Variants in CFAP99 observed in about 807,000 individuals in gnomAD.
CFAP99 encodes cilia and flagella associated protein 99.
CFAP99 carries 84 observed loss-of-function variants against 82.7 expected under a neutral mutation model. That is an observed-to-expected ratio of 1.02 (90% CI 0.85 to 1.22). The LOEUF is 1.22. Among genes scored for constraint, CFAP99 ranks in the 50% most tolerant of loss-of-function variants. The probability of loss-of-function intolerance (pLI) is 0.00; values close to 1 mark genes in which losing one functional copy is unlikely to be tolerated. For missense variants in CFAP99, 1,059 were observed against 983.5 expected, an observed-to-expected ratio of 1.08 and a Z score of -1.03; for synonymous variants, 456 against 429.5, an observed-to-expected ratio of 1.06 and a Z score of -0.76.
intron 2 of CFAP99, among the ~76,000 whole-genome samples, chr4:2,432,130 G>T (rs1245415981): frequency 6.6e-6 from 1 of 152,224 alleles, no homozygotes; most frequent in African/African-American, 2.4e-5. Context: ...AACTCATTCA[G>T]TTCCTCTCCA....
chr4:2,451,733 AGG>A (rs1734307026), intron 10 of CFAP99, among the ~76,000 whole-genome samples: 1 of 151,694 alleles, frequency 6.6e-6, no homozygotes, highest in African/African-American at 2.4e-5. Context: ...TCTGCAAGTC[AGG>A]CTGTGGGGGG....
chr4:2,430,180 C>T (rs1293984270), intron 2 of CFAP99, among the ~76,000 whole-genome samples: 3 of 142,212 alleles, frequency 2.1e-5, no homozygotes, highest in African/African-American at 5.3e-5. Context: ...CAGAAAATTA[C>T]GCAATACATA....
At chr4:2,445,745 A>G (rs541881733) in intron 6 of CFAP99, among the ~76,000 whole-genome samples, 1 of 152,314 alleles carries the variant, frequency 6.6e-6, no homozygotes, top group Admixed American at 6.5e-5. Flanking sequence ...ATCAGTCAGG[A>G]TGCTTTGTAT....
intron 11 of CFAP99, among the ~76,000 whole-genome samples, chr4:2,456,260 C>T (rs1734430494): frequency 6.6e-6 from 1 of 152,072 alleles, no homozygotes; most frequent in African/African-American, 2.4e-5. Context: ...CTCAAACTCC[C>T]AGCCTTATGT....
At chr4:2,423,595 A>G (rs1733625754) in intron 1 of CFAP99, among the ~76,000 whole-genome samples, 1 of 152,178 alleles carries the variant, frequency 6.6e-6, no homozygotes, top group Non-Finnish European at 1.5e-5. Context: ...GGTTTCCCGC[A>G]GGATGGGCTG....
intron 11 of CFAP99, among the ~76,000 whole-genome samples, chr4:2,453,975 GGC>G (rs1734365763): frequency 6.7e-6 from 1 of 150,288 alleles, no homozygotes; most frequent in Admixed American, 6.6e-5. Context: ...CACCATGCAT[GGC>G]TAATTTTTGT....
chr4:2,452,382 C>G (rs996964815), intron 11 of CFAP99, 36 bp downstream of exon 11: 1 of 1,522,628 alleles, frequency 6.6e-7, no homozygotes, highest in Admixed American at 2.0e-5. Context: ...CATGGGGCAG[C>G]CAGCTGAACT....
intron 1 of CFAP99, among the ~76,000 whole-genome samples, chr4:2,420,100 T>C (rs944343324): frequency 3.3e-5 from 5 of 151,738 alleles, no homozygotes; most frequent in African/African-American, 1.2e-4. Context: ...CAGATCCCAC[T>C]GTCCACTTCT....
rs1336626743 is a variant in CFAP99 at position 2,448,302 on chromosome 4, C to G, written c.643-1368C>G. 6.6e-6 allele frequency among the ~76,000 whole-genome samples: 1 copy of G among 152,210 alleles called. No individual in the cohort carries two copies. Among genetic ancestry groups the G allele is most frequent in the African/African-American group, 2.4e-5 (1 of 41,454 alleles). On this transcript the variant is annotated intron_variant, in intron 6 of 14. Coordinates refer to ENST00000635017, the Ensembl canonical transcript of CFAP99. This position sits in a 1 kb window ranked among gnomAD's most constrained non-coding sequence, Gnocchi z 5.2. The stretch of plus-strand genomic sequence containing the variant: ...TGTCTCTGCCAAGCACAGCCCCTGC[C>G]TGGGCCCTCACCATGTCCTCCCATG...
At chr4:2,431,359 ACT>A in intron 2 of CFAP99, among the ~76,000 whole-genome samples, 1 of 129,838 alleles carries the variant, frequency 7.7e-6, no homozygotes, top group East Asian at 2.8e-4. Context: ...ACAGAGCAAG[ACT>A]CTGTCTCAAA....
chr4:2,426,120 G>A (rs1309583281), intron 1 of CFAP99, among the ~76,000 whole-genome samples: 1 of 152,220 alleles, frequency 6.6e-6, no homozygotes, highest in African/African-American at 2.4e-5. Flanking sequence ...CCATCCAGGA[G>A]GCATGGCTGT....
chr4:2,459,875 C>T (rs766563225), intron 13 of CFAP99, among the ~76,000 whole-genome samples, 162 bp from the exon 14 acceptor site: 5 of 152,150 alleles, frequency 3.3e-5, no homozygotes, highest in Non-Finnish European at 5.9e-5. Context: ...TGTTGCAGAG[C>T]GGAGCCCAGG....
At position 2,426,388 on chromosome 4, in the gene CFAP99, G is replaced by A. The variant is rs990104936; in HGVS notation, c.-17-71G>A. 5.3e-6 allele frequency: 5 copies of A among 951,066 alleles called. No homozygotes were observed. In the African/African-American group the frequency reaches 8.1e-5, roughly 15 times the overall value. 58.9% of individuals were successfully genotyped at this position (951,066 alleles called of 1,614,324 possible). A position where few individuals can be genotyped will look rare whatever the true frequency, so the allele number is the denominator to read the frequency against. On this transcript the variant is annotated intron_variant, in intron 1 of 14. Transcript: ENST00000635017. Reference sequence around the variant, plus strand: ...AGGCCCAACACCCTGGCAGACTCCTGTCGCTGCTGGGGAGGGTCCTGCGGC... The same window carrying A: ...AGGCCCAACACCCTGGCAGACTCCTATCGCTGCTGGGGAGGGTCCTGCGGC...
At chr4:2,445,398 G>T (rs988310914) in intron 6 of CFAP99, 90 bp downstream of exon 6, 1 of 1,138,242 alleles carries the variant, frequency 8.8e-7, no homozygotes, top group South Asian at 3.9e-5. Context: ...GTGGGGGACT[G>T]GGCTCCCCCC....
intron 2 of CFAP99, among the ~76,000 whole-genome samples, chr4:2,431,015 T>A (rs1217680216): frequency 6.6e-6 from 1 of 150,886 alleles, no homozygotes; most frequent in Non-Finnish European, 1.5e-5. Flanking sequence ...AAGGCTATGA[T>A]GAGCTATGAT....
chr4:2,422,064 G>C (rs2108706085), intron 1 of CFAP99, among the ~76,000 whole-genome samples: 1 of 152,238 alleles, frequency 6.6e-6, no homozygotes, highest in East Asian at 1.9e-4. Context: ...AAATCAGGCT[G>C]AGAATTTGAG....
At chr4:2,440,397 C>T (rs1159341270) in intron 4 of CFAP99, among the ~76,000 whole-genome samples, 35 of 151,178 alleles carry the variant, frequency 2.3e-4, no homozygotes, top group African/African-American at 8.2e-4. Flanking sequence ...CCGCCCGCCT[C>T]GGCCTCCCAA....
rs1412236854 is a variant in CFAP99, at chr4:2,438,326, G to A, written c.351+162G>A. 2.6e-5 allele frequency among the ~76,000 whole-genome samples: 4 copies of A among 152,244 alleles called. 1 individual carries two copies. Among genetic ancestry groups the A allele is most frequent in the Non-Finnish European group, 2.9e-5 (2 of 68,004 alleles). On this transcript the variant is annotated intron_variant, in intron 4 of 14. Coordinates refer to ENST00000635017, the Ensembl canonical transcript of CFAP99. ...CGCCCAGGCTGGAGGGCAGTGGCGC[G>A]ATCTCAGCTCACTGCAAACTCTGCC...
intron 2 of CFAP99, among the ~76,000 whole-genome samples, chr4:2,433,231 A>G (rs1340633127): frequency 6.6e-6 from 1 of 152,180 alleles, no homozygotes; most frequent in Non-Finnish European, 1.5e-5. Context: ...TGAAAAATGC[A>G]TGCTCACACT....
Sources: gnomAD v4.1 joint callset for allele counts (sites outside exome capture counted in the v4.1 genomes callset) on GRCh38, gnomAD v4.1.1 for gene constraint, Gnocchi (gnomAD v3.1) non-coding constraint, MANE v1.5 for transcripts, NCBI Gene and HGNC (gene_info 2026-07-23, HGNC 2026-07-21) for gene names.